The following TUBGCP6 variants were observed in gnomAD, a reference collection of about 807,000 sequenced individuals.
The protein encoded by TUBGCP6 is tubulin gamma complex component 6.
A neutral mutation model predicts 175.8 loss-of-function variants in TUBGCP6; 161 were observed. The ratio of observed to expected loss-of-function variants is 0.92; its 90% CI spans 0.81 to 1.04. TUBGCP6 has a LOEUF of 1.04. Among genes scored for constraint, TUBGCP6 ranks in the 50% least tolerant of loss-of-function variants. The probability of loss-of-function intolerance (pLI) is 0.00; values close to 1 mark genes in which losing one functional copy is unlikely to be tolerated. For missense variants in TUBGCP6, 2,572 were observed against 2,433.0 expected, an observed-to-expected ratio of 1.06 and a Z score of -1.20; for synonymous variants, 1,173 against 1,030.5, an observed-to-expected ratio of 1.14 and a Z score of -2.65.
chr22:50,223,159 A>T (rs1025711812), intron 13 of TUBGCP6: 5 of 155,242 alleles, frequency 3.2e-5, no homozygotes, highest in Admixed American at 3.1e-4. Context: ...GGTTTTCTCC[A>T]TGTGTTAACA....
intron 15 of TUBGCP6, 55 bp from the exon 16 acceptor site, chr22:50,221,929 A>G: frequency 1.9e-6 from 3 of 1,564,030 alleles, no homozygotes; most frequent in Non-Finnish European, 2.6e-6. Context: ...CCAGCCCTCG[A>G]ACTGTCCCCC....
In TUBGCP6 at chr22:50,244,418, G is replaced by A. The variant is rs146878404; in HGVS notation, c.42C>T (p.Ala14=). 3.9e-4 allele frequency: 637 copies of A among 1,612,882 alleles called. No individual in the cohort carries two copies. The highest frequency in any genetic ancestry group is 4.9e-4 in the Non-Finnish European group (581 of 1,179,972). The change falls in exon 1 of 25, where the codon GCC becomes GCT. Residue 14 remains alanine (A), a synonymous_variant. Transcript: ENST00000248846. ...ITQLFDDLCE[A]LLPAAKTHLG... is the part of the protein sequence containing the mutation. ...GGTGAGTCTTGGCAGCCGGCAGGAGGGCCTCACACAGGTCGTCGAACAGCT... is the reference window on the plus strand; with the variant it reads ...GGTGAGTCTTGGCAGCCGGCAGGAGAGCCTCACACAGGTCGTCGAACAGCT...
chr22:50,218,748 GGCAAACAC>G lies in TUBGCP6; in HGVS notation c.4768_4775del (p.Val1590ProfsTer238). 1 of 1,614,066 alleles carries G rather than the reference GGCAAACAC, an allele frequency of 6.2e-7. No homozygotes were observed. The highest frequency in any genetic ancestry group is 8.5e-7 in the Non-Finnish European group (1 of 1,179,986). ...AGCTCAGCACATCCGGGGCGTTGGG[GGCAAACAC>G]CTCGGGCAGGTACTTGAGAGCGAGG... On this transcript the variant is annotated frameshift_variant, in exon 21 of 25. Coordinates refer to ENST00000248846, the MANE Select transcript of TUBGCP6 (RefSeq NM_020461.4). LOFTEE classifies it high-confidence loss of function.
Position 50,217,908 on chromosome 22 carries a change from T to TG in TUBGCP6, c.5368+9dup. The TG allele has an allele frequency of 6.2e-7, 1 of 1,604,566 alleles. No individual in the cohort carries two copies. Among genetic ancestry groups the TG allele is most frequent in the Non-Finnish European group, 8.5e-7 (1 of 1,174,282 alleles). On this transcript the variant is annotated intron_variant, in intron 24 of 24. Transcript: ENST00000248846. ...CCCCCCGCAGCCCTCCCAGCCAGGG[T>TG]GGGCCTCACCTTTGAAGAGAAAGTG...
At position 50,224,236 on chromosome 22, in the gene TUBGCP6, C is replaced by T. The variant is rs145698752; in HGVS notation, c.2175G>A (p.Gln725=). The T allele has an allele frequency of 5.6e-6, 9 of 1,614,066 alleles. No homozygotes were observed. Among genetic ancestry groups the T allele is most frequent in the Non-Finnish European group, 6.8e-6 (8 of 1,180,058 alleles). Residue 725 remains glutamine, a synonymous_variant, in exon 13 of 25, where the codon CAG becomes CAA. Transcript: ENST00000248846. ...KDQERRQAAR[Q]EELDDDFSYA... is the part of the protein sequence containing the mutation. ...AGCTGAAGTCATCATCCAGCTCCTCCTGCCTGGCCGCCTGGCGTCGCTATA... is the reference window on the plus strand; with the variant it reads ...AGCTGAAGTCATCATCCAGCTCCTCTTGCCTGGCCGCCTGGCGTCGCTATA...
intron 2 of TUBGCP6, among the ~76,000 whole-genome samples, chr22:50,238,532 GTTTT>G (rs1314149857): frequency 2.6e-5 from 3 of 113,890 alleles, no homozygotes; most frequent in Non-Finnish European, 3.4e-5. Context: ...TGTAGGGCCA[GTTTT>G]TTTTTTTGTT....
In TUBGCP6 at chr22:50,226,094, C is replaced by T. The variant is rs201914434; in HGVS notation, c.1789G>A (p.Val597Ile). The T allele has an allele frequency of 5.4e-5, 87 of 1,614,160 alleles. No individual in the cohort carries two copies. Among genetic ancestry groups the T allele is most frequent in the Non-Finnish European group, 7.4e-5 (87 of 1,180,046 alleles). ...FLKHIAHDIY[V>I]CGKTINLLKL... ...AGCAGGTTAATGGTCTTTCCGCAGA[C>T]GTATATGTCGTGGGCAATGTGCTTC... Residue 597 changes from valine (V) to isoleucine (I), a missense_variant, in exon 9 of 25, where the codon GTC becomes ATC. Physicochemically the swap from Val to Ile is conservative, Grantham distance 29. Transcript: ENST00000248846.
chr22:50,227,806 C>G, intron 5 of TUBGCP6, 101 bp downstream of exon 5: 1 of 1,477,552 alleles, frequency 6.8e-7, no homozygotes, highest in South Asian at 1.3e-5. Flanking sequence ...GCTGTTCTCA[C>G]AGGCCCTCCT....
At chr22:50,241,456 T>C (rs1237825660) in intron 1 of TUBGCP6, among the ~76,000 whole-genome samples, 2 of 152,104 alleles carry the variant, frequency 1.3e-5, no homozygotes, top group African/African-American at 2.4e-5. Context: ...CCACCACCTC[T>C]TGTGGAGGGC....
In TUBGCP6 at chr22:50,236,114, G is replaced by A. The variant is rs192278680; in HGVS notation, c.906-2588C>T. On this transcript the variant is annotated intron_variant, in intron 2 of 24. Transcript: ENST00000248846. ...CTGCCCCACCTCAGAAAAACCGTAA[G>A]AGATGGATACAGAAAAAAAAATTCA... Among the ~76,000 whole-genome samples the A allele has an allele frequency of 1.9e-3, 294 of 151,952 alleles. 7 individuals are homozygous for A. In the East Asian group the frequency reaches 0.049, roughly 25 times the overall value.
At chr22:50,219,043 G>A (rs201702737) in intron 20 of TUBGCP6, 25 bp downstream of exon 20, 2 of 1,610,618 alleles carry the variant, frequency 1.2e-6, no homozygotes, top group South Asian at 1.1e-5. Flanking sequence ...TCTACCACTG[G>A]CCCCACCCCG....
Position 50,244,802 on chromosome 22 carries a change from C to T in TUBGCP6, c.-343G>A. 1 of 276,402 alleles carries T rather than the reference C, an allele frequency of 3.6e-6. No homozygotes were observed. The highest frequency in any genetic ancestry group is 5.1e-5 in the South Asian group (1 of 19,684). The allele number at this position is 276,402 out of a possible 1,614,324, so 17.1% of individuals were successfully genotyped here. A position where few individuals can be genotyped will look rare whatever the true frequency, so the allele number is the denominator to read the frequency against. On this transcript the variant is annotated 5_prime_UTR_variant, in exon 1 of 25. Transcript: ENST00000248846. ...CGAAACGCGCGCCCGCGCAGTACAG[C>T]GGACGAACTCGGCTTTGCACCCGTT...
At position 50,219,262 on chromosome 22, in the gene TUBGCP6, ACTGGCG is replaced by A. The variant is rs2064472926; in HGVS notation, c.4484+20_4484+25del. On this transcript the variant is annotated intron_variant, in intron 19 of 24. Coordinates refer to ENST00000248846, the MANE Select transcript of TUBGCP6 (RefSeq NM_020461.4). ...GGGCCAGGACGGGCTGGGTGGGCAG[ACTGGCG>A]CAGGGGCAGGGGCACTCACTGGGCG... The A allele has an allele frequency of 6.2e-7, 1 of 1,610,154 alleles. No individual in the cohort carries two copies. Among genetic ancestry groups the A allele is most frequent in the Non-Finnish European group, 8.5e-7 (1 of 1,178,822 alleles).
chr22:50,233,520 A>AG lies in TUBGCP6; in HGVS notation c.911dup (p.Gly305TrpfsTer262). 1.9e-6 allele frequency: 3 copies of AG among 1,603,938 alleles called. No homozygotes were observed. Among genetic ancestry groups the AG allele is most frequent in the Non-Finnish European group, 1.7e-6 (2 of 1,175,546 alleles). ...TCAGGTAAGGCTCCTCTCTGTGGCC[A>AG]GGGGGGCTGCGAGGGGTGCAGAAGA... On this transcript the variant is annotated frameshift_variant, in exon 3 of 25. Transcript: ENST00000248846. LOFTEE classifies it high-confidence loss of function.
At position 50,235,552 on chromosome 22, in the gene TUBGCP6, G is replaced by A. The variant is rs76530694; in HGVS notation, c.906-2026C>T. The stretch of plus-strand genomic sequence containing the variant: ...CACAAAACACTGTCTCCACAGGGAC[G>A]GCGCTCGAGGACGCCAAGTGGAGTA... On this transcript the variant is annotated intron_variant, in intron 2 of 24. Transcript: ENST00000248846. Among the ~76,000 whole-genome samples the A allele has an allele frequency of 7.2e-4, 110 of 152,338 alleles. No homozygotes were observed. In the East Asian group the frequency reaches 0.015, roughly 20 times the overall value.
chr22:50,225,422 G>A (rs1421116774), intron 10 of TUBGCP6, among the ~76,000 whole-genome samples: 2 of 152,180 alleles, frequency 1.3e-5, no homozygotes, highest in Non-Finnish European at 1.5e-5. Flanking sequence ...CATCTGGAGT[G>A]CAGCCAGGAC....
intron 13 of TUBGCP6, 93 bp downstream of exon 13, chr22:50,224,047 CA>C: frequency 8.4e-7 from 1 of 1,191,986 alleles, no homozygotes; most frequent in Non-Finnish European, 1.2e-6. Flanking sequence ...TGAAGGTTTT[CA>C]AAACAAAAAG....
intron 20 of TUBGCP6, 46 bp from the exon 21 acceptor site, chr22:50,218,943 C>A: frequency 2.5e-6 from 4 of 1,589,620 alleles, no homozygotes; most frequent in Non-Finnish European, 2.6e-6. Flanking sequence ...CAAGCACATG[C>A]CTGGCACTCG....
intron 3 of TUBGCP6, among the ~76,000 whole-genome samples, chr22:50,231,065 G>C (rs571297518): frequency 4.9e-5 from 6 of 121,784 alleles, no homozygotes; most frequent in Non-Finnish European, 9.7e-5. Flanking sequence ...CTGGGCAACA[G>C]AGCGAGACTC....
Sources: gnomAD v4.1 joint callset for allele counts (sites outside exome capture counted in the v4.1 genomes callset) on GRCh38, gnomAD v4.1.1 for gene constraint, MANE v1.5 for transcripts, NCBI Gene and HGNC (gene_info 2026-07-23, HGNC 2026-07-21) for gene names.